Variants in OXR1 observed in about 807,000 individuals in gnomAD.
The protein encoded by OXR1 is oxidation resistance 1.
OXR1 carries 41 observed loss-of-function variants against 104.6 expected under a neutral mutation model. That is an observed-to-expected ratio of 0.39 (90% confidence interval 0.31 to 0.51). The LOEUF (loss-of-function observed/expected upper bound fraction) is 0.51. Among genes scored for constraint, OXR1 ranks in the 20% least tolerant of loss-of-function variants. The pLI, the probability that OXR1 is intolerant of heterozygous loss-of-function variation, is 0.77. For missense variants in OXR1, 955 were observed against 1,031.9 expected, an observed-to-expected ratio of 0.93 and a Z score of 1.02; for synonymous variants, 348 against 348.4, an observed-to-expected ratio of 1.00 and a Z score of 0.01.
intron 2 of OXR1, among the ~76,000 whole-genome samples, chr8:106,379,507 G>A (rs1316230228): frequency 7.1e-6 from 1 of 140,994 alleles, no homozygotes; most frequent in Non-Finnish European, 1.6e-5. Context: ...TAATAAGCCT[G>A]TATTCTTTTT....
At chr8:106,736,870 A>C (rs1476085354) in intron 11 of OXR1, among the ~76,000 whole-genome samples, 1 of 152,194 alleles carries the variant, frequency 6.6e-6, no homozygotes, top group African/African-American at 2.4e-5. Flanking sequence ...AAAGTGGAAA[A>C]AAAAAGTCAT....
chr8:106,601,263 G>A (rs952926239), intron 3 of OXR1, among the ~76,000 whole-genome samples: 1 of 152,194 alleles, frequency 6.6e-6, no homozygotes, highest in African/African-American at 2.4e-5. Context: ...AGGATGGGAG[G>A]TATGGTAGCC....
chr8:106,339,781 C>T (rs1013286892), intron 1 of OXR1, among the ~76,000 whole-genome samples: 4 of 151,266 alleles, frequency 2.6e-5, no homozygotes, highest in Non-Finnish European at 5.9e-5. Flanking sequence ...ATCATAAATT[C>T]GTTAGTAAAA....
intron 3 of OXR1, among the ~76,000 whole-genome samples, chr8:106,619,981 T>C (rs1821563049): frequency 6.6e-6 from 1 of 152,098 alleles, no homozygotes; most frequent in Non-Finnish European, 1.5e-5. Flanking sequence ...TCTTGGCACT[T>C]TTACACTGAG....
At chr8:106,718,733 G>C (rs1237884549) in intron 11 of OXR1, among the ~76,000 whole-genome samples, 1 of 151,894 alleles carries the variant, frequency 6.6e-6, no homozygotes, top group Non-Finnish European at 1.5e-5. Flanking sequence ...TAGCTACTCG[G>C]GAGGCTGAGG....
intron 11 of OXR1, among the ~76,000 whole-genome samples, chr8:106,734,429 A>G (rs1422871718): frequency 6.6e-6 from 1 of 152,140 alleles, no homozygotes; most frequent in Non-Finnish European, 1.5e-5. Context: ...ATTAGATAGT[A>G]TTTCTTTTTC....
At chr8:106,618,781 T>C (rs1821447738) in intron 3 of OXR1, among the ~76,000 whole-genome samples, 1 of 152,206 alleles carries the variant, frequency 6.6e-6, no homozygotes, top group Non-Finnish European at 1.5e-5. Flanking sequence ...CTTAAACATT[T>C]GTTTAAATGT....
At position 106,697,868 on chromosome 8, in the gene OXR1, G is replaced by T; in HGVS notation, c.675+4991G>T. On this transcript the variant is annotated intron_variant, in intron 7 of 16. Coordinates refer to ENST00000517566, the MANE Select transcript of OXR1 (RefSeq NM_001198533.2). ...TTGAGCCAGTTCTGGAAGTTCTCGC[G>T]TCCAGGCTGGGACCGGCCCACATCC... 4 of 1,612,304 alleles carry T rather than the reference G, an allele frequency of 2.5e-6. No homozygotes were observed. In the South Asian group the frequency reaches 3.3e-5, roughly 13 times the overall value.
chr8:106,428,993 A>C (rs1484508323), intron 2 of OXR1, among the ~76,000 whole-genome samples: 1 of 152,076 alleles, frequency 6.6e-6, no homozygotes, highest in Non-Finnish European at 1.5e-5. Context: ...ACTTCCCTTT[A>C]CAGAACAGGA....
intron 11 of OXR1, among the ~76,000 whole-genome samples, chr8:106,728,763 G>A (rs941335334): frequency 7.2e-5 from 11 of 152,008 alleles, no homozygotes; most frequent in East Asian, 5.8e-4. Context: ...TCAATAAGTC[G>A]TAATTTACTT....
At chr8:106,462,160 T>G (rs1245825550) in intron 2 of OXR1, among the ~76,000 whole-genome samples, 1 of 152,194 alleles carries the variant, frequency 6.6e-6, no homozygotes, top group Non-Finnish European at 1.5e-5. Context: ...GATAATAATC[T>G]GTCCCAGAAA....
intron 11 of OXR1, among the ~76,000 whole-genome samples, chr8:106,716,298 G>A (rs1223368416): frequency 6.6e-6 from 1 of 152,112 alleles, no homozygotes; most frequent in Non-Finnish European, 1.5e-5. Flanking sequence ...TTAAAATGTG[G>A]CCAATCTCAA....
At chr8:106,276,064 C>T (rs996375206) in intron 1 of OXR1, among the ~76,000 whole-genome samples, 2 of 152,050 alleles carry the variant, frequency 1.3e-5, no homozygotes, top group South Asian at 2.1e-4. Context: ...TTATGTGATG[C>T]CGTTTGGAAT....
chr8:106,619,786 T>C (rs1586909949), intron 3 of OXR1, among the ~76,000 whole-genome samples: 1 of 152,156 alleles, frequency 6.6e-6, no homozygotes. Context: ...AGCATTTATA[T>C]TTAATAAGAT....
In OXR1 at chr8:106,561,195, C is replaced by T. The variant is rs569851396; in HGVS notation, c.220+42056C>T. 1.9e-4 allele frequency among the ~76,000 whole-genome samples: 29 copies of T among 152,182 alleles called. No homozygotes were observed. In the South Asian group the frequency reaches 5.2e-3, roughly 27 times the overall value. On this transcript the variant is annotated intron_variant, in intron 3 of 16. Coordinates refer to ENST00000517566, the MANE Select transcript of OXR1 (RefSeq NM_001198533.2). ...GGTCTTGCTCAGCGGATCCCACCCC[C>T]GCCAGAGCCCAGAAAGCTAAGATCC...
At position 106,638,872 on chromosome 8, in the gene OXR1, C is replaced by T. The variant is rs1489701170; in HGVS notation, c.221-40338C>T. On this transcript the variant is annotated intron_variant, in intron 3 of 16. Transcript: ENST00000517566. ...TCGTGCCACTGCACTCCAACCTGGG[C>T]GCAAGAGTGAGACTCCATTTCAAAA... Among the ~76,000 whole-genome samples, 6 of 145,888 alleles carry T rather than the reference C, an allele frequency of 4.1e-5. No homozygotes were observed. In the East Asian group the frequency reaches 6.0e-4, roughly 15 times the overall value.
intron 2 of OXR1, among the ~76,000 whole-genome samples, chr8:106,499,736 A>T (rs1811658216): frequency 6.6e-6 from 1 of 152,232 alleles, no homozygotes; most frequent in Non-Finnish European, 1.5e-5. Flanking sequence ...GGGAGAAAGG[A>T]ACCACAAAAA....
intron 1 of OXR1, among the ~76,000 whole-genome samples, chr8:106,315,695 G>T (rs1384677594): frequency 6.6e-6 from 1 of 152,158 alleles, no homozygotes; most frequent in Non-Finnish European, 1.5e-5. Context: ...TATTACATAT[G>T]AATTGTTATT....
chr8:106,715,246 A>G (rs1832119307), intron 11 of OXR1, among the ~76,000 whole-genome samples: 1 of 151,856 alleles, frequency 6.6e-6, no homozygotes, highest in Non-Finnish European at 1.5e-5. Context: ...CACGAAGTTC[A>G]AAAGGGCAAA....
Sources: gnomAD v4.1 joint callset for allele counts (sites outside exome capture counted in the v4.1 genomes callset) on GRCh38, gnomAD v4.1.1 for gene constraint, MANE v1.5 for transcripts, NCBI Gene and HGNC (gene_info 2026-07-23, HGNC 2026-07-21) for gene names.